Variants in CNR2 observed in about 807,000 individuals in gnomAD.
CNR2 encodes cannabinoid receptor 2, also known as cannabinoid receptor 2 (macrophage).
For synonymous variants in CNR2, 172 were observed against 182.2 expected, an observed-to-expected ratio of 0.94 and a Z score of 0.45; for missense variants, 379 against 439.9, an observed-to-expected ratio of 0.86 and a Z score of 1.24.
chr1:23,892,606 A>G lies in CNR2; in HGVS notation c.-45-16944T>C, dbSNP rs28733608. On this transcript the variant is annotated intron_variant, in intron 1 of 1. Transcript: ENST00000374472. ...CAATGCAGTGTGGAAGTGCAGTCACAGGGCCATTCAAGGTCGGTTCTTGAT... is the reference window on the plus strand; with the variant it reads ...CAATGCAGTGTGGAAGTGCAGTCACGGGGCCATTCAAGGTCGGTTCTTGAT... Among the ~76,000 whole-genome samples the G allele has an allele frequency of 1.5e-4, 23 of 152,308 alleles. 2 individuals are homozygous for G. Among genetic ancestry groups the G allele is most frequent in the African/African-American group, 5.5e-4 (23 of 41,556 alleles).
At chr1:23,894,105 G>C (rs1358964501) in intron 1 of CNR2, among the ~76,000 whole-genome samples, 2 of 135,704 alleles carry the variant, frequency 1.5e-5, no homozygotes, top group Non-Finnish European at 3.1e-5. Flanking sequence ...GAGTGACAGA[G>C]CAGACCCTGT....
At position 23,891,262 on chromosome 1, in the gene CNR2, TTGACCAAATCTTTTGTGTGTGTGTGTG is replaced by T. The variant is rs974483467; in HGVS notation, c.-45-15627_-45-15601del. ...TTGGGGCTGTAGACTGTGGGGTTTTTTGACCAAATCTTTTGTGTGTGTGTGTGTGTGTGTGTGTGTGTGAGCCTATGA... is the reference window on the plus strand; with the variant it reads ...TTGGGGCTGTAGACTGTGGGGTTTTTTGTGTGTGTGTGTGTGAGCCTATGA... On this transcript the variant is annotated intron_variant, in intron 1 of 1. Transcript: ENST00000374472. Among the ~76,000 whole-genome samples, 5 of 149,218 alleles carry T rather than the reference TTGACCAAATCTTTTGTGTGTGTGTGTG, an allele frequency of 3.4e-5. No homozygotes were observed. In the Admixed American group the frequency reaches 3.4e-4, roughly 10 times the overall value.
rs115587146 is a variant in CNR2, at chr1:23,887,177, C to T, written c.-45-11515G>A. ...CCTGAGCTCAGACAGAAAAAGGTGC[C>T]AGCTCACCTCTCCACCCTGGTCACT... On this transcript the variant is annotated intron_variant, in intron 1 of 1. Transcript: ENST00000374472. Among the ~76,000 whole-genome samples, 495 of 152,278 alleles carry T rather than the reference C, an allele frequency of 3.3e-3. 1 individual carries two copies. Among genetic ancestry groups the T allele is most frequent in the Non-Finnish European group, 5.1e-3 (346 of 68,008 alleles).
chr1:23,875,327 GA>G lies in CNR2; in HGVS notation c.290del (p.Phe97SerfsTer12), dbSNP rs1639853541. The G allele has an allele frequency of 1.2e-6, 2 of 1,614,212 alleles. No individual in the cohort carries two copies. The highest frequency in any genetic ancestry group is 1.7e-6 in the Non-Finnish European group (2 of 1,180,038). ...AGACAGCCTTGGAATCCACACCATG[GA>G]AAACATGGAAATTCACAAAGCTGCA... is the stretch of plus-strand genomic sequence containing the variant. ...FACSFVNFHV[F>X]HGVDSKAVFL... is the part of the protein sequence containing the mutation. On this transcript the variant is annotated frameshift_variant, in exon 2 of 2. Transcript: ENST00000374472. LOFTEE classifies it high-confidence loss of function.
intron 1 of CNR2, chr1:23,902,128 C>T (rs6669556): frequency 0.79 from 1,144,665 of 1,444,196 alleles, 456,268 homozygotes; most frequent in Admixed American, 0.84. Flanking sequence ...CCTCTTGTTT[C>T]GTGGGGTGAC....
intron 1 of CNR2, among the ~76,000 whole-genome samples, chr1:23,892,154 C>T (rs572566025): frequency 1.6e-4 from 25 of 152,268 alleles, no homozygotes; most frequent in Admixed American, 4.6e-4. Flanking sequence ...AGCCCTGAAG[C>T]AGAGTGTGAA....
rs541102713 is a variant in CNR2, at chr1:23,901,475, G to A, written c.-46+11771C>T. 92 of 1,557,952 alleles carry A rather than the reference G, an allele frequency of 5.9e-5. 1 individual carries two copies. In the South Asian group the frequency reaches 1.0e-3, roughly 17 times the overall value. ...GCTGCAGCCTCCCCGGGCACCTCAGGCATAGAAGATGAGCTCAGGGATCTG... is the reference window on the plus strand; with the variant it reads ...GCTGCAGCCTCCCCGGGCACCTCAGACATAGAAGATGAGCTCAGGGATCTG... On this transcript the variant is annotated intron_variant, in intron 1 of 1. Transcript: ENST00000374472.
rs570843490 is a variant in CNR2 at position 23,871,595 on chromosome 1, T to A, written c.*2940A>T. 6.6e-6 allele frequency: 1 copy of A among 152,364 alleles called. No homozygotes were observed. Among genetic ancestry groups the A allele is most frequent in the East Asian group, 1.9e-4 (1 of 5,196 alleles). 9.4% of individuals were successfully genotyped at this position (152,364 alleles called of 1,614,324 possible). A position where few individuals can be genotyped will look rare whatever the true frequency, so the allele number is the denominator to read the frequency against. On this transcript the variant is annotated 3_prime_UTR_variant, in exon 2 of 2. Coordinates refer to ENST00000374472, the MANE Select transcript of CNR2 (RefSeq NM_001841.3). The stretch of plus-strand genomic sequence containing the variant: ...AGCACTGGGGATGCAGAGGTCAACC[T>A]GGAGCTCATCTTGTTGAGGGAGGAT...
At chr1:23,894,954 T>A (rs970856788) in intron 1 of CNR2, among the ~76,000 whole-genome samples, 8 of 152,018 alleles carry the variant, frequency 5.3e-5, no homozygotes, top group African/African-American at 1.9e-4. Flanking sequence ...GCATGGTGGC[T>A]CACACCTCTA....
At position 23,898,109 on chromosome 1, in the gene CNR2, C is replaced by T. The variant is rs541569836; in HGVS notation, c.-46+15137G>A. 4.6e-3 allele frequency among the ~76,000 whole-genome samples: 695 copies of T among 152,096 alleles called. 4 individuals are homozygous for T. The highest frequency in any genetic ancestry group is 0.015 in the African/African-American group (641 of 41,466). On this transcript the variant is annotated intron_variant, in intron 1 of 1. Coordinates refer to ENST00000374472, the MANE Select transcript of CNR2 (RefSeq NM_001841.3). ...TGGTGCGATCTTGGCTCACTGCAAG[C>T]TCCGCCTCCTGGGTTCACGCCATTC...
chr1:23,879,254 A>G (rs1639938880), intron 1 of CNR2, among the ~76,000 whole-genome samples: 1 of 152,140 alleles, frequency 6.6e-6, no homozygotes, highest in Non-Finnish European at 1.5e-5. Flanking sequence ...AGATCATGCC[A>G]CTGCACTCCA....
intron 1 of CNR2, among the ~76,000 whole-genome samples, chr1:23,875,866 C>A (rs533724600): frequency 1.3e-5 from 2 of 151,862 alleles, no homozygotes; most frequent in African/African-American, 2.4e-5. Flanking sequence ...AGGGGAGGTA[C>A]GTGGGAATGC....
At chr1:23,887,901 T>A (rs946201970) in intron 1 of CNR2, among the ~76,000 whole-genome samples, 5 of 152,090 alleles carry the variant, frequency 3.3e-5, no homozygotes, top group African/African-American at 4.8e-5. Flanking sequence ...ATTAACCATA[T>A]CTACCCTCCA....
chr1:23,882,495 G>A (rs989799383), intron 1 of CNR2, among the ~76,000 whole-genome samples: 2 of 152,108 alleles, frequency 1.3e-5, no homozygotes, highest in Non-Finnish European at 2.9e-5. Context: ...CGTATGCAAA[G>A]GGAAATTTAC....
At chr1:23,897,499 G>C (rs901672585) in intron 1 of CNR2, among the ~76,000 whole-genome samples, 1 of 146,662 alleles carries the variant, frequency 6.8e-6, no homozygotes, top group East Asian at 2.0e-4. Flanking sequence ...TTTTGAGACC[G>C]AGTCTCAGTC....
intron 1 of CNR2, among the ~76,000 whole-genome samples, chr1:23,911,330 G>A (rs1177429676): frequency 2.0e-5 from 3 of 152,100 alleles, no homozygotes; most frequent in African/African-American, 7.2e-5. Context: ...ATGTCAAAAT[G>A]AGACACAGTG....
intron 1 of CNR2, among the ~76,000 whole-genome samples, chr1:23,910,122 ATTTTT>A (rs34885370): frequency 6.6e-5 from 8 of 120,312 alleles, no homozygotes; most frequent in Non-Finnish European, 9.7e-5. Context: ...CTAATTTTTA[ATTTTT>A]TTTTTTTTTT....
chr1:23,901,827 C>G, intron 1 of CNR2: 1 of 1,606,630 alleles, frequency 6.2e-7, no homozygotes. Context: ...GCAATAAATA[C>G]CCTTCTGTCC....
chr1:23,894,764 TCAA>T (rs200609789), intron 1 of CNR2, among the ~76,000 whole-genome samples: 44 of 140,634 alleles, frequency 3.1e-4, no homozygotes, highest in African/African-American at 4.0e-4. Flanking sequence ...AAATTTTGTC[TCAA>T]AAAAAAAAAG....
Sources: gnomAD v4.1 joint callset for allele counts (sites outside exome capture counted in the v4.1 genomes callset) on GRCh38, gnomAD v4.1.1 for gene constraint, MANE v1.5 for transcripts, NCBI Gene and HGNC (gene_info 2026-07-23, HGNC 2026-07-21) for gene names.